Variants in ITGB5 observed in about 807,000 individuals in gnomAD.
ITGB5 encodes the protein integrin beta-5.
In ITGB5, 38 loss-of-function variants were observed where a neutral mutation model predicts 84.8. The observed-to-expected ratio is 0.45, with a 90% CI of 0.35 to 0.59. The LOEUF (loss-of-function observed/expected upper bound fraction) is 0.59. Among genes scored for constraint, ITGB5 ranks in the 20% least tolerant of loss-of-function variants. ITGB5 has a pLI of 0.01. For synonymous variants in ITGB5, 393 were observed against 414.4 expected, an observed-to-expected ratio of 0.95 and a Z score of 0.63; for missense variants, 905 against 1,034.5, an observed-to-expected ratio of 0.87 and a Z score of 1.72.
intron 2 of ITGB5, among the ~76,000 whole-genome samples, chr3:124,859,789 G>T (rs1456861060): frequency 1.3e-5 from 2 of 152,124 alleles, no homozygotes; most frequent in African/African-American, 4.8e-5. Flanking sequence ...TTTTTTAAAA[G>T]TTGTTATATA....
At chr3:124,806,408 A>G (rs953373703) in intron 9 of ITGB5, among the ~76,000 whole-genome samples, 1 of 111,998 alleles carries the variant, frequency 8.9e-6, no homozygotes, top group African/African-American at 3.3e-5. Flanking sequence ...GTTTTTTGGT[A>G]TTTCTGCCTC....
At chr3:124,888,391 G>C (rs1424548379), upstream of ITGB5, among the ~76,000 whole-genome samples, 1 of 152,174 alleles carries the variant, frequency 6.6e-6, no homozygotes, top group Non-Finnish European at 1.5e-5. Flanking sequence ...ATCTGAACTA[G>C]CCAATAAAGA....
chr3:124,775,928 A>G (rs1382873245), intron 10 of ITGB5, among the ~76,000 whole-genome samples: 1 of 151,892 alleles, frequency 6.6e-6, no homozygotes, highest in African/African-American at 2.4e-5. Context: ...AAGCCTCCCA[A>G]CCCTCCTGTG....
intron 5 of ITGB5, among the ~76,000 whole-genome samples, chr3:124,824,235 CAG>C (rs1277318243): frequency 6.6e-6 from 1 of 152,174 alleles, no homozygotes; most frequent in Admixed American, 6.5e-5. Flanking sequence ...TATGCAATGA[CAG>C]AATGCATAGA....
At chr3:124,821,982 G>C (rs1475281294) in intron 5 of ITGB5, among the ~76,000 whole-genome samples, 1 of 152,114 alleles carries the variant, frequency 6.6e-6, no homozygotes, top group Non-Finnish European at 1.5e-5. Context: ...CCAATAGATG[G>C]GTCTGTCTTT....
At chr3:124,799,492 G>A (rs1346195658) in intron 9 of ITGB5, among the ~76,000 whole-genome samples, 1 of 152,194 alleles carries the variant, frequency 6.6e-6, no homozygotes, top group Non-Finnish European at 1.5e-5. Context: ...CCCGGGAGGG[G>A]GAGGTTGCAG....
intron 1 of ITGB5, among the ~76,000 whole-genome samples, chr3:124,875,110 A>G (rs1221098493): frequency 6.6e-6 from 1 of 152,218 alleles, no homozygotes; most frequent in African/African-American, 2.4e-5. Context: ...CACACATCTG[A>G]TAAGTGGTTA....
intron 2 of ITGB5, among the ~76,000 whole-genome samples, chr3:124,871,065 AT>A (rs1024161453): frequency 6.6e-6 from 1 of 151,746 alleles, no homozygotes; most frequent in African/African-American, 2.4e-5. Context: ...AATTTTTTGT[AT>A]TTTTTGTAGA....
intron 9 of ITGB5, among the ~76,000 whole-genome samples, chr3:124,800,887 T>C (rs2064304860): frequency 6.6e-6 from 1 of 152,170 alleles, no homozygotes; most frequent in Non-Finnish European, 1.5e-5. Context: ...ATTCATTCGC[T>C]CTGAGATTCC....
intron 14 of ITGB5, 114 bp downstream of exon 14, chr3:124,764,274 ATTC>A: frequency 9.2e-7 from 1 of 1,089,932 alleles, no homozygotes. Context: ...TCTGGTGTTG[ATTC>A]TTTTGTTTTT....
intron 4 of ITGB5, among the ~76,000 whole-genome samples, chr3:124,843,319 A>G (rs1189759663): frequency 6.6e-6 from 1 of 152,158 alleles, no homozygotes; most frequent in African/African-American, 2.4e-5. Flanking sequence ...GCCCTGGCCT[A>G]TGTGGCTCTG....
intron 5 of ITGB5, among the ~76,000 whole-genome samples, chr3:124,830,477 G>T (rs1041842664): frequency 2.0e-5 from 3 of 152,196 alleles, no homozygotes; most frequent in Non-Finnish European, 4.4e-5. Flanking sequence ...GAGAAGACAG[G>T]CTCCAAGGGG....
At chr3:124,812,500 C>T (rs748224925) in intron 8 of ITGB5, among the ~76,000 whole-genome samples, 1 of 152,182 alleles carries the variant, frequency 6.6e-6, no homozygotes, top group Non-Finnish European at 1.5e-5. Flanking sequence ...CATGCAGCTC[C>T]AGTGCTTTCC....
intron 1 of ITGB5, among the ~76,000 whole-genome samples, chr3:124,885,576 A>C (rs1934765111): frequency 6.6e-6 from 1 of 152,186 alleles, no homozygotes; most frequent in Non-Finnish European, 1.5e-5. Flanking sequence ...TTTCAAACTA[A>C]AGGAAAGTCC....
chr3:124,874,590 C>A (rs1322889748), intron 1 of ITGB5, among the ~76,000 whole-genome samples: 1 of 152,122 alleles, frequency 6.6e-6, no homozygotes, highest in South Asian at 2.1e-4. Flanking sequence ...CATTGTGTTA[C>A]CTGATTTCAA....
chr3:124,829,654 C>G (rs1255460007), intron 5 of ITGB5, among the ~76,000 whole-genome samples: 1 of 152,206 alleles, frequency 6.6e-6, no homozygotes, highest in Non-Finnish European at 1.5e-5. Flanking sequence ...TCCTCCCAGC[C>G]TCGCTCTGAT....
chr3:124,788,304 G>C (rs1478585950), intron 10 of ITGB5, among the ~76,000 whole-genome samples: 1 of 152,190 alleles, frequency 6.6e-6, no homozygotes, highest in East Asian at 1.9e-4. Context: ...TTCTGGGGTA[G>C]GAAATTCCAG....
At chr3:124,806,807 T>TTA (rs1553758434) in intron 9 of ITGB5, among the ~76,000 whole-genome samples, 1 of 151,698 alleles carries the variant, frequency 6.6e-6, no homozygotes, top group African/African-American at 2.4e-5. Context: ...TTTTTTTTTT[T>TTA]AATCATCTGG....
intron 12 of ITGB5, among the ~76,000 whole-genome samples, 163 bp downstream of exon 12, chr3:124,768,850 T>G (rs185159848): frequency 1.3e-5 from 2 of 152,334 alleles, no homozygotes. Context: ...CCATTCTACA[T>G]TCCCATCAGC....
Sources: gnomAD v4.1 joint callset for allele counts (sites outside exome capture counted in the v4.1 genomes callset) on GRCh38, gnomAD v4.1.1 for gene constraint, MANE v1.5 for transcripts, NCBI Gene and HGNC (gene_info 2026-07-23, HGNC 2026-07-21) for gene names.